The following TRAPPC9 variants were observed in gnomAD, a reference collection of about 807,000 sequenced individuals.
The protein encoded by TRAPPC9 is IKK2 binding protein.
Under a neutral mutation model 124.0 loss-of-function variants are expected in TRAPPC9, and 83 were observed. The observed-to-expected ratio is 0.67, with a 90% CI of 0.56 to 0.80. The LOEUF (loss-of-function observed/expected upper bound fraction) is 0.80. Among genes scored for constraint, TRAPPC9 ranks in the 30% least tolerant of loss-of-function variants. The pLI is 0.00. For missense variants in TRAPPC9, 1,302 were observed against 1,508.3 expected, an observed-to-expected ratio of 0.86 and a Z score of 2.27; for synonymous variants, 638 against 617.5, an observed-to-expected ratio of 1.03 and a Z score of -0.49.
chr8:140,388,338 T>A (rs552512760), intron 7 of TRAPPC9, among the ~76,000 whole-genome samples: 1 of 148,526 alleles, frequency 6.7e-6, no homozygotes, highest in Non-Finnish European at 1.5e-5. Flanking sequence ...GTAACAAACC[T>A]GCACGTTGTG....
At chr8:140,219,275 G>A (rs886680166) in intron 17 of TRAPPC9, among the ~76,000 whole-genome samples, 1 of 152,224 alleles carries the variant, frequency 6.6e-6, no homozygotes, top group Admixed American at 6.5e-5. Context: ...CTTCCTCAGC[G>A]CTGCCGGAGC....
intron 7 of TRAPPC9, among the ~76,000 whole-genome samples, chr8:140,388,142 A>G (rs976947752): frequency 2.1e-5 from 3 of 145,588 alleles, no homozygotes; most frequent in Admixed American, 7.2e-5. Context: ...CAAACACCGC[A>G]TGTTCTCACT....
At chr8:139,992,817 GA>G (rs1837727190) in intron 18 of TRAPPC9, among the ~76,000 whole-genome samples, 1 of 152,090 alleles carries the variant, frequency 6.6e-6, no homozygotes, top group South Asian at 2.1e-4. Context: ...ATTAGGACAA[GA>G]GTCACTGAAT....
At chr8:140,085,802 G>C (rs1328281482) in intron 17 of TRAPPC9, among the ~76,000 whole-genome samples, 1 of 152,158 alleles carries the variant, frequency 6.6e-6, no homozygotes, top group East Asian at 1.9e-4. Context: ...GTTCCACATG[G>C]GGAGCCACAG....
intron 21 of TRAPPC9, among the ~76,000 whole-genome samples, chr8:139,836,682 G>T (rs1826378916): frequency 1.3e-5 from 2 of 152,208 alleles, no homozygotes; most frequent in African/African-American, 4.8e-5. Flanking sequence ...ACATTCTGTG[G>T]AATTCCCAGG....
rs191006580 is a variant in TRAPPC9 at position 140,173,532 on chromosome 8, C to T, written c.2556+47927G>A. On this transcript the variant is annotated intron_variant, in intron 17 of 22. Coordinates refer to ENST00000438773, the MANE Select transcript of TRAPPC9 (RefSeq NM_001160372.4). ...TCGCACCACTGCACTCCAGCCTGGGCGACAGAGCAAGACTCTGTCTCAAAA... is the reference window on the plus strand; with the variant it reads ...TCGCACCACTGCACTCCAGCCTGGGTGACAGAGCAAGACTCTGTCTCAAAA... Among the ~76,000 whole-genome samples, 1,279 of 137,210 alleles carry T rather than the reference C, an allele frequency of 9.3e-3. 11 individuals are homozygous for T. Among genetic ancestry groups the T allele is most frequent in the African/African-American group, 0.033 (1,181 of 35,620 alleles). 90.0% of individuals were successfully genotyped at this position (137,210 alleles called of 152,430 possible). A position where few individuals can be genotyped will look rare whatever the true frequency, so the allele number is the denominator to read the frequency against.
intron 19 of TRAPPC9, among the ~76,000 whole-genome samples, chr8:139,929,620 C>A (rs1833009317): frequency 6.6e-6 from 1 of 152,240 alleles, no homozygotes; most frequent in Non-Finnish European, 1.5e-5. Context: ...GCTGCTTCTT[C>A]CTGAGCTACA....
intron 20 of TRAPPC9, among the ~76,000 whole-genome samples, chr8:139,906,763 G>A (rs187115396): frequency 6.6e-6 from 1 of 152,096 alleles, no homozygotes; most frequent in Non-Finnish European, 1.5e-5. Flanking sequence ...AGGCCCTCAC[G>A]GTCCCTGACT....
At chr8:140,311,158 A>G in intron 10 of TRAPPC9, 90 bp downstream of exon 10, 1 of 1,513,694 alleles carries the variant, frequency 6.6e-7, no homozygotes, top group Non-Finnish European at 9.0e-7. Flanking sequence ...CAAAAATGGG[A>G]ACTCTTCTAA....
At position 140,199,664 on chromosome 8, in the gene TRAPPC9, C is replaced by A. The variant is rs188839656; in HGVS notation, c.2556+21795G>T. Among the ~76,000 whole-genome samples, 30 of 152,032 alleles carry A rather than the reference C, an allele frequency of 2.0e-4. No individual in the cohort carries two copies. In the East Asian group the frequency reaches 4.1e-3, roughly 21 times the overall value. ...AATAAATCACTAAGCATCCCAAAGT[C>A]AAAAGTAAATATTTTTGCATCACCC... On this transcript the variant is annotated intron_variant, in intron 17 of 22. Coordinates refer to ENST00000438773, the MANE Select transcript of TRAPPC9 (RefSeq NM_001160372.4).
At chr8:139,862,814 C>T (rs1362362369) in intron 21 of TRAPPC9, among the ~76,000 whole-genome samples, 4 of 152,226 alleles carry the variant, frequency 2.6e-5, no homozygotes, top group Non-Finnish European at 1.5e-5. Context: ...GGTCCGGCCC[C>T]ACATGCACCA....
At chr8:139,796,110 A>AGGAGGAG (rs1360554793) in intron 21 of TRAPPC9, among the ~76,000 whole-genome samples, 5 of 140,306 alleles carry the variant, frequency 3.6e-5, no homozygotes, top group Admixed American at 3.5e-4. Flanking sequence ...GAGGAGGAAG[A>AGGAGGAG]GGAGGAGGGA....
At chr8:140,225,362 A>C (rs1214117984) in intron 16 of TRAPPC9, among the ~76,000 whole-genome samples, 3 of 152,210 alleles carry the variant, frequency 2.0e-5, no homozygotes, top group African/African-American at 7.2e-5. Context: ...ACGCTCAATA[A>C]AAATTCCATC....
intron 17 of TRAPPC9, among the ~76,000 whole-genome samples, chr8:140,207,188 A>C (rs557548957): frequency 3.3e-4 from 50 of 152,322 alleles, no homozygotes; most frequent in Non-Finnish European, 6.3e-4. Flanking sequence ...CTCCATTTCA[A>C]AGATGGCCTG....
chr8:140,451,193 A>G lies in TRAPPC9; in HGVS notation c.181T>C (p.Tyr61His). ...RVLYIRYRHHYPPENNEWGDF... is the reference protein window; with the variant it reads ...RVLYIRYRHHHPPENNEWGDF... ...CCCCACTCGTTGTTCTCGGGTGGGTAGTGGTGCCTGTAGCGGATGTAGAGG... is the reference window on the plus strand; with the variant it reads ...CCCCACTCGTTGTTCTCGGGTGGGTGGTGGTGCCTGTAGCGGATGTAGAGG... Residue 61 changes from tyrosine (Y) to histidine (H), a missense_variant, in exon 2 of 23, where the codon TAC becomes CAC. Tyr to His is a moderately conservative substitution (Grantham distance 83). Coordinates refer to ENST00000438773, the MANE Select transcript of TRAPPC9 (RefSeq NM_001160372.4). 4 of 1,614,090 alleles carry G rather than the reference A, an allele frequency of 2.5e-6. No homozygotes were observed. The highest frequency in any genetic ancestry group is 3.4e-6 in the Non-Finnish European group (4 of 1,180,010).
chr8:139,825,940 G>C lies in TRAPPC9; in HGVS notation c.3055+59939C>G, dbSNP rs528555508. ...GAGAGGTGAGCATCGGATATAACCCGCCCGTGGAACAGGCCATGATGAGGA... is the reference window on the plus strand; with the variant it reads ...GAGAGGTGAGCATCGGATATAACCCCCCCGTGGAACAGGCCATGATGAGGA... On this transcript the variant is annotated intron_variant, in intron 21 of 22. Coordinates refer to ENST00000438773, the MANE Select transcript of TRAPPC9 (RefSeq NM_001160372.4). The surrounding 1 kb of genome is among the most constrained non-coding windows in gnomAD (Gnocchi z 4.6). Among the ~76,000 whole-genome samples, 2 of 152,292 alleles carry C rather than the reference G, an allele frequency of 1.3e-5. No individual in the cohort carries two copies. Among genetic ancestry groups the C allele is most frequent in the African/African-American group, 4.8e-5 (2 of 41,558 alleles).
At chr8:140,383,700 A>T (rs2068677205) in intron 7 of TRAPPC9, among the ~76,000 whole-genome samples, 3 of 152,230 alleles carry the variant, frequency 2.0e-5, no homozygotes, top group South Asian at 4.1e-4. Context: ...GTGTACCTGA[A>T]AGTGACAGGG....
At chr8:139,834,402 G>A (rs1315879138) in intron 21 of TRAPPC9, among the ~76,000 whole-genome samples, 1 of 152,244 alleles carries the variant, frequency 6.6e-6, no homozygotes, top group Non-Finnish European at 1.5e-5. Flanking sequence ...TAATGACCTA[G>A]GACAATGACG....
At chr8:139,819,347 G>T (rs1825091085) in intron 21 of TRAPPC9, among the ~76,000 whole-genome samples, 1 of 152,142 alleles carries the variant, frequency 6.6e-6, no homozygotes, top group Non-Finnish European at 1.5e-5. Flanking sequence ...ATATTACAGT[G>T]TAATAATAGT....
Sources: allele counts gnomAD v4.1 joint callset (sites outside exome capture counted in the v4.1 genomes callset), GRCh38; gene constraint gnomAD v4.1.1; non-coding constraint Gnocchi (gnomAD v3.1); transcripts MANE v1.5; gene names NCBI Gene and HGNC (gene_info 2026-07-23, HGNC 2026-07-21).